BBX: variants seen among roughly 807,000 people sequenced by gnomAD.
The protein encoded by BBX is BBX high mobility group box domain containing.
BBX carries 30 observed loss-of-function variants against 100.2 expected under a neutral mutation model. The ratio of observed to expected loss-of-function variants is 0.30; its 90% CI spans 0.22 to 0.41. The LOEUF (loss-of-function observed/expected upper bound fraction) is 0.41, where lower values mean the gene tolerates loss of function less well. Among genes scored for constraint, BBX ranks in the 10% least tolerant of loss-of-function variants. BBX has a pLI of 1.00. For missense variants in BBX, 1,023 were observed against 1,129.8 expected, an observed-to-expected ratio of 0.91 and a Z score of 1.35; for synonymous variants, 376 against 388.1, an observed-to-expected ratio of 0.97 and a Z score of 0.37.
intron 1 of BBX, among the ~76,000 whole-genome samples, chr3:107,525,090 C>T (rs1337662638): frequency 6.7e-6 from 1 of 149,754 alleles, no homozygotes; most frequent in Non-Finnish European, 1.5e-5. Flanking sequence ...CCCTGCGCGC[C>T]GCCGCCACCT....
chr3:107,679,432 T>G (rs2059457928), intron 3 of BBX, among the ~76,000 whole-genome samples: 1 of 152,170 alleles, frequency 6.6e-6, no homozygotes, highest in East Asian at 1.9e-4. Context: ...GGTCCTGCTG[T>G]GCTGAATATG....
At chr3:107,668,222 C>T (rs150254570) in intron 3 of BBX, among the ~76,000 whole-genome samples, 4 of 152,266 alleles carry the variant, frequency 2.6e-5, no homozygotes, top group South Asian at 4.2e-4. Context: ...TGTTTTCTCC[C>T]AGCAAATCTT....
intron 12 of BBX, 127 bp downstream of exon 12, chr3:107,774,984 C>A: frequency 9.3e-7 from 1 of 1,077,464 alleles, no homozygotes; most frequent in Non-Finnish European, 1.3e-6. Context: ...TTCCTACAAT[C>A]TTAGTAGGCA....
At chr3:107,779,687 A>G (rs1207424844) in intron 13 of BBX, among the ~76,000 whole-genome samples, 1 of 152,176 alleles carries the variant, frequency 6.6e-6, no homozygotes, top group East Asian at 1.9e-4. Context: ...AAAGAGATAT[A>G]ATTTCATGCA....
intron 2 of BBX, among the ~76,000 whole-genome samples, chr3:107,553,667 T>A (rs1358625489): frequency 6.6e-6 from 1 of 152,186 alleles, no homozygotes; most frequent in East Asian, 1.9e-4. Flanking sequence ...TACTGTATCA[T>A]TCACTAAAGA....
intron 2 of BBX, among the ~76,000 whole-genome samples, chr3:107,578,134 C>A (rs1015962339): frequency 6.6e-6 from 1 of 152,212 alleles, no homozygotes; most frequent in African/African-American, 2.4e-5. Flanking sequence ...TCAATGTTCT[C>A]TCTTAAACAG....
chr3:107,761,414 G>A (rs911230578), intron 10 of BBX, among the ~76,000 whole-genome samples: 1 of 152,202 alleles, frequency 6.6e-6, no homozygotes, highest in Non-Finnish European at 1.5e-5. Flanking sequence ...TGGCAGCTAT[G>A]TATGGAATGG....
chr3:107,558,586 T>C (rs2050251439), intron 2 of BBX, among the ~76,000 whole-genome samples: 1 of 152,154 alleles, frequency 6.6e-6, no homozygotes, highest in South Asian at 2.1e-4. Flanking sequence ...GAGAGGAGCA[T>C]AATTTCCCAG....
intron 17 of BBX, among the ~76,000 whole-genome samples, chr3:107,805,101 C>G (rs566657494): frequency 1.3e-5 from 2 of 151,990 alleles, no homozygotes; most frequent in South Asian, 4.2e-4. Context: ...TGTTTGAGGC[C>G]AGAGGGTATG....
At position 107,809,319 on chromosome 3, in the gene BBX, A is replaced by G. The variant is rs1371391404; in HGVS notation, c.*3862A>G. Reference sequence around the variant, plus strand: ...TGCTAAACTACTGTATGAATCGTAAATGTTCTGAAGACGAGCAGCTGGAGG... The same window carrying G: ...TGCTAAACTACTGTATGAATCGTAAGTGTTCTGAAGACGAGCAGCTGGAGG... On this transcript the variant is annotated 3_prime_UTR_variant, in exon 18 of 18. Coordinates refer to ENST00000325805, the MANE Select transcript of BBX (RefSeq NM_001142568.3). 6.6e-6 allele frequency: 1 copy of G among 152,222 alleles called. No individual in the cohort carries two copies. Among genetic ancestry groups the G allele is most frequent in the Non-Finnish European group, 1.5e-5 (1 of 68,040 alleles). The allele number at this position is 152,222 out of a possible 1,614,324, so 9.4% of individuals were successfully genotyped here. A position where few individuals can be genotyped will look rare whatever the true frequency, so the allele number is the denominator to read the frequency against.
chr3:107,583,711 G>C (rs917472496), intron 2 of BBX, among the ~76,000 whole-genome samples: 1 of 149,846 alleles, frequency 6.7e-6, no homozygotes, highest in African/African-American at 2.5e-5. Context: ...CCAACTTCAG[G>C]CTTAAGAAAT....
At chr3:107,706,671 C>T (rs1160973947) in intron 3 of BBX, among the ~76,000 whole-genome samples, 1 of 152,152 alleles carries the variant, frequency 6.6e-6, no homozygotes, top group Non-Finnish European at 1.5e-5. Flanking sequence ...TCATTTACTG[C>T]ATAGAGGTTA....
At chr3:107,656,057 T>G (rs1175103721) in intron 3 of BBX, among the ~76,000 whole-genome samples, 1 of 152,198 alleles carries the variant, frequency 6.6e-6, no homozygotes, top group Non-Finnish European at 1.5e-5. Flanking sequence ...TTAAAAAATT[T>G]AAATAGCTCA....
intron 8 of BBX, among the ~76,000 whole-genome samples, chr3:107,746,881 A>G (rs1191137193): frequency 6.6e-6 from 1 of 152,130 alleles, no homozygotes; most frequent in Non-Finnish European, 1.5e-5. Flanking sequence ...GATGAAGTGG[A>G]TTTACTGCTT....
intron 3 of BBX, among the ~76,000 whole-genome samples, chr3:107,675,906 G>A (rs1028149945): frequency 6.6e-6 from 1 of 152,274 alleles, no homozygotes; most frequent in African/African-American, 2.4e-5. Flanking sequence ...TTTTAGAAGA[G>A]TAGCTCTTTA....
In BBX at chr3:107,801,073, A is replaced by T. The variant is rs771503115; in HGVS notation, c.2552-22A>T. ...GAGAGAACAGAGTGATCCTCTCATG[A>T]TGGATTTCTCTTTTGTTACAGATGA... On this transcript the variant is annotated intron_variant, in intron 16 of 17. Transcript: ENST00000325805. 13 of 1,610,662 alleles carry T rather than the reference A, an allele frequency of 8.1e-6. No homozygotes were observed. The Admixed American group carries it at 2.0e-4, about 25-fold the overall frequency.
intron 10 of BBX, among the ~76,000 whole-genome samples, chr3:107,759,777 A>G (rs1334394384): frequency 6.6e-6 from 1 of 152,240 alleles, no homozygotes; most frequent in African/African-American, 2.4e-5. Flanking sequence ...GATCGGTGAT[A>G]TAGGAACATG....
intron 2 of BBX, among the ~76,000 whole-genome samples, chr3:107,612,683 T>A (rs1320828806): frequency 1.3e-5 from 2 of 152,226 alleles, no homozygotes; most frequent in Non-Finnish European, 2.9e-5. Context: ...GGAACTGTTC[T>A]AGGTCAGACC....
At chr3:107,685,742 AATTTTTGTCTTT>A (rs1183755825) in intron 3 of BBX, among the ~76,000 whole-genome samples, 1 of 152,156 alleles carries the variant, frequency 6.6e-6, no homozygotes, top group African/African-American at 2.4e-5. Context: ...CAACTTTTCT[AATTTTTGTCTTT>A]ATTGATTTCC....
Sources: allele counts gnomAD v4.1 joint callset (sites outside exome capture counted in the v4.1 genomes callset), GRCh38; gene constraint gnomAD v4.1.1; transcripts MANE v1.5; gene names NCBI Gene and HGNC (gene_info 2026-07-23, HGNC 2026-07-21).